The following RELN variants were observed in gnomAD, a reference collection of about 807,000 sequenced individuals.
RELN encodes reelin.
In RELN, 108 loss-of-function variants were observed where a neutral mutation model predicts 427.6. The ratio of observed to expected loss-of-function variants is 0.25; its 90% CI spans 0.22 to 0.30. RELN has a LOEUF of 0.30. Ranked by LOEUF, RELN falls within the 10% of genes least tolerant of loss-of-function variation. RELN has a pLI of 1.00. For missense variants in RELN, 3,715 were observed against 4,302.8 expected, an observed-to-expected ratio of 0.86 and a Z score of 3.82; for synonymous variants, 1,524 against 1,513.4, an observed-to-expected ratio of 1.01 and a Z score of -0.16.
intron 11 of RELN, among the ~76,000 whole-genome samples, chr7:103,677,405 T>TATAATAATA (rs370333905): frequency 1.3e-4 from 18 of 134,438 alleles, no homozygotes; most frequent in Admixed American, 9.1e-4. Context: ...GAACTTAAAG[T>TATAATAATA]ATAATAATAA....
At chr7:103,568,484 A>G (rs954165063) in intron 31 of RELN, among the ~76,000 whole-genome samples, 7 of 152,226 alleles carry the variant, frequency 4.6e-5, no homozygotes, top group African/African-American at 1.7e-4. Flanking sequence ...GATGAGGGTT[A>G]CAGCTTCTGT....
In RELN at chr7:103,951,131, A is replaced by C. The variant is rs559033263; in HGVS notation, c.227-33946T>G. ...TTTTTAGTAGAGATGGGGTTTCACC[A>C]TGTTTTTTAAATGAGTGGGTCCCCC... On this transcript the variant is annotated intron_variant, in intron 1 of 64. Coordinates refer to ENST00000428762, the MANE Select transcript of RELN (RefSeq NM_005045.4). 2.4e-4 allele frequency among the ~76,000 whole-genome samples: 36 copies of C among 152,278 alleles called. 1 individual carries two copies. The East Asian group carries it at 5.2e-3, about 22-fold the overall frequency.
intron 3 of RELN, among the ~76,000 whole-genome samples, chr7:103,788,212 A>T (rs912108323): frequency 4.6e-5 from 7 of 152,204 alleles, no homozygotes; most frequent in Non-Finnish European, 4.4e-5. Context: ...GCTATTTATG[A>T]CAAACCCACA....
intron 60 of RELN, 81 bp from the exon 61 acceptor site, chr7:103,486,497 G>T (rs1268491449): frequency 3.1e-6 from 3 of 981,272 alleles, no homozygotes; most frequent in Non-Finnish European, 4.6e-6. Context: ...TCAAGTTCAG[G>T]TTTAAGTAGT....
chr7:103,825,065 A>G (rs947412876), intron 3 of RELN, among the ~76,000 whole-genome samples: 1 of 152,112 alleles, frequency 6.6e-6, no homozygotes, highest in African/African-American at 2.4e-5. Flanking sequence ...CTTTATTATT[A>G]CTATTATGAC....
chr7:103,755,480 C>CAAAT (rs1791114075), intron 4 of RELN, among the ~76,000 whole-genome samples: 1 of 151,378 alleles, frequency 6.6e-6, no homozygotes, highest in Non-Finnish European at 1.5e-5. Context: ...TGGTGGCGGT[C>CAAAT]GCCTGTAGTC....
intron 51 of RELN, among the ~76,000 whole-genome samples, chr7:103,508,399 A>G (rs912999514): frequency 7.2e-5 from 11 of 152,236 alleles, no homozygotes; most frequent in Admixed American, 7.2e-4. Context: ...AAATGACAAA[A>G]ATGCCATGAT....
chr7:103,830,363 C>A (rs1793246803), intron 3 of RELN, among the ~76,000 whole-genome samples: 1 of 151,682 alleles, frequency 6.6e-6, no homozygotes, highest in South Asian at 2.1e-4. Flanking sequence ...CTAGTAATAT[C>A]AAAAAGTCAT....
intron 2 of RELN, among the ~76,000 whole-genome samples, chr7:103,844,271 C>T (rs865793223): frequency 5.3e-5 from 8 of 152,308 alleles, no homozygotes; most frequent in Admixed American, 1.3e-4. Flanking sequence ...ATTCTCAAGC[C>T]TGTCTTTTCT....
chr7:103,757,097 T>C (rs932196625), intron 4 of RELN, among the ~76,000 whole-genome samples: 4 of 152,180 alleles, frequency 2.6e-5, no homozygotes, highest in African/African-American at 9.6e-5. Context: ...ATGATATAGT[T>C]CAACATTATT....
intron 64 of RELN, among the ~76,000 whole-genome samples, chr7:103,475,099 C>G (rs372272851): frequency 6.6e-5 from 10 of 152,192 alleles, no homozygotes; most frequent in Admixed American, 1.3e-4. Context: ...ACAAACTGCT[C>G]TACTCAAACG....
intron 36 of RELN, among the ~76,000 whole-genome samples, chr7:103,559,572 AT>A (rs71829071): frequency 0.18 from 26,673 of 150,056 alleles, 2,897 homozygotes; most frequent in South Asian, 0.36. Flanking sequence ...AAAGCCTTGG[AT>A]TTTTTTTTTG....
chr7:103,967,369 A>C (rs1258225084), intron 1 of RELN, among the ~76,000 whole-genome samples: 1 of 152,072 alleles, frequency 6.6e-6, no homozygotes, highest in Admixed American at 6.5e-5. Context: ...CTGATGTTGA[A>C]AGTGTTTTAG....
intron 2 of RELN, among the ~76,000 whole-genome samples, chr7:103,861,452 T>C (rs1255265746): frequency 6.6e-6 from 1 of 152,116 alleles, no homozygotes; most frequent in Non-Finnish European, 1.5e-5. Flanking sequence ...AGGTAAATTT[T>C]AGGTGTCTCA....
At chr7:103,804,738 A>C (rs1792554744) in intron 3 of RELN, among the ~76,000 whole-genome samples, 1 of 152,204 alleles carries the variant, frequency 6.6e-6, no homozygotes, top group African/African-American at 2.4e-5. Context: ...TCTTGTAACA[A>C]ATCAAACTCC....
At chr7:103,931,552 G>A (rs1795866349) in intron 1 of RELN, among the ~76,000 whole-genome samples, 1 of 152,150 alleles carries the variant, frequency 6.6e-6, no homozygotes, top group Non-Finnish European at 1.5e-5. Flanking sequence ...TCCCTAAAAG[G>A]TTATTAGCAA....
chr7:103,826,361 TAC>T (rs992378815), intron 3 of RELN, among the ~76,000 whole-genome samples: 33 of 151,618 alleles, frequency 2.2e-4, no homozygotes, highest in Middle Eastern at 3.4e-3. Flanking sequence ...TGTGTGTGTA[TAC>T]ACATACATAT....
At chr7:103,544,519 C>A (rs1162639773) in intron 42 of RELN, among the ~76,000 whole-genome samples, 3 of 152,114 alleles carry the variant, frequency 2.0e-5, no homozygotes, top group Admixed American at 6.5e-5. Flanking sequence ...GCCACTGCAC[C>A]AGGCCGAAAG....
intron 2 of RELN, among the ~76,000 whole-genome samples, chr7:103,857,947 T>C (rs954924055): frequency 6.6e-6 from 1 of 152,222 alleles, no homozygotes; most frequent in Non-Finnish European, 1.5e-5. Context: ...ACTTCACTGA[T>C]ATTTTTATCC....
Sources: gnomAD v4.1 joint callset for allele counts (sites outside exome capture counted in the v4.1 genomes callset) on GRCh38, gnomAD v4.1.1 for gene constraint, MANE v1.5 for transcripts, NCBI Gene and HGNC (gene_info 2026-07-23, HGNC 2026-07-21) for gene names.